CHST15: variants seen among roughly 807,000 people sequenced by gnomAD.
CHST15 encodes carbohydrate sulfotransferase 15.
Under a neutral mutation model 53.6 loss-of-function variants are expected in CHST15, and 30 were observed. The ratio of observed to expected loss-of-function variants is 0.56; its 90% CI spans 0.42 to 0.76. CHST15 has a LOEUF of 0.76. Among genes scored for constraint, CHST15 ranks in the 30% least tolerant of loss-of-function variants. The probability of loss-of-function intolerance (pLI) is 0.00; values close to 1 mark genes in which losing one functional copy is unlikely to be tolerated. For synonymous variants in CHST15, 296 were observed against 289.8 expected, an observed-to-expected ratio of 1.02 and a Z score of -0.22; for missense variants, 627 against 740.5, an observed-to-expected ratio of 0.85 and a Z score of 1.78.
chr10:124,015,633 C>T (rs1386322335), intron 6 of CHST15, among the ~76,000 whole-genome samples: 2 of 152,208 alleles, frequency 1.3e-5, no homozygotes, highest in African/African-American at 2.4e-5. Flanking sequence ...GCCAGCCTCC[C>T]CACTAGTCCC....
At position 124,010,356 on chromosome 10, in the gene CHST15, C is replaced by G. The variant is rs188930451; in HGVS notation, c.1496-17G>C. On this transcript the variant is annotated splice_polypyrimidine_tract_variant and intron_variant, in intron 7 of 7. Coordinates refer to ENST00000435907, the MANE Select transcript of CHST15 (RefSeq NM_001270764.2). ...TTAAGGGCCCTAGAATAAAAGAAGA[C>G]GAGTCCCGTAAGGCAGGAGGCATGG... The G allele has an allele frequency of 2.6e-6, 4 of 1,552,918 alleles. No homozygotes were observed. Among genetic ancestry groups the G allele is most frequent in the Non-Finnish European group, 3.5e-6 (4 of 1,149,696 alleles).
At chr10:124,040,975 GT>G (rs1947711550) in intron 4 of CHST15, among the ~76,000 whole-genome samples, 3 of 152,176 alleles carry the variant, frequency 2.0e-5, no homozygotes, top group Admixed American at 6.5e-5. Context: ...ATAAGAACAT[GT>G]GATTTTCCCA....
At chr10:124,077,813 G>A (rs959832225) in intron 1 of CHST15, among the ~76,000 whole-genome samples, 1 of 152,116 alleles carries the variant, frequency 6.6e-6, no homozygotes, top group Non-Finnish European at 1.5e-5. Context: ...TGGTTATTAC[G>A]AGCCTCACTC....
intron 1 of CHST15, among the ~76,000 whole-genome samples, chr10:124,059,368 G>A (rs765869792): frequency 6.6e-6 from 1 of 152,198 alleles, no homozygotes; most frequent in African/African-American, 2.4e-5. Context: ...ACAAAGATGA[G>A]TGGTACATTC....
intron 5 of CHST15, among the ~76,000 whole-genome samples, chr10:124,038,308 G>T (rs1487860460): frequency 6.6e-6 from 1 of 152,054 alleles, no homozygotes; most frequent in African/African-American, 2.4e-5. Flanking sequence ...GTTTCACCAT[G>T]TTGGCCAGGC....
intron 1 of CHST15, among the ~76,000 whole-genome samples, chr10:124,072,036 A>C (rs1948932966): frequency 6.6e-6 from 1 of 152,134 alleles, no homozygotes; most frequent in East Asian, 1.9e-4. Flanking sequence ...CTCTCATCAA[A>C]AGGGTCTGGG....
chr10:124,055,883 T>A (rs1948362298), intron 1 of CHST15, among the ~76,000 whole-genome samples: 1 of 152,146 alleles, frequency 6.6e-6, no homozygotes, highest in South Asian at 2.1e-4. Flanking sequence ...ACTGCAGTCA[T>A]TCACAGTAAG....
chr10:124,040,943 AAT>A (rs1371590719), intron 4 of CHST15, among the ~76,000 whole-genome samples: 1 of 152,222 alleles, frequency 6.6e-6, no homozygotes, highest in Non-Finnish European at 1.5e-5. Flanking sequence ...CTGGCCGGAG[AAT>A]ACATATTTTC....
intron 1 of CHST15, among the ~76,000 whole-genome samples, chr10:124,083,043 A>C (rs1056024162): frequency 2.0e-5 from 3 of 152,218 alleles, no homozygotes; most frequent in Non-Finnish European, 4.4e-5. Flanking sequence ...CAATATACTA[A>C]AAAACATGGA....
Position 124,038,571 on chromosome 10 carries a change from G to A in CHST15, c.1134C>T (p.Ile378=), listed in dbSNP as rs1947610811. The A allele has an allele frequency of 6.2e-7, 1 of 1,614,100 alleles. No individual in the cohort carries two copies. Among genetic ancestry groups the A allele is most frequent in the African/African-American group, 1.3e-5 (1 of 74,942 alleles). The change falls in exon 5 of 8, where the codon ATC becomes ATT. Residue 378 remains isoleucine, a synonymous_variant. Coordinates refer to ENST00000435907, the MANE Select transcript of CHST15 (RefSeq NM_001270764.2). ...GTCTGGCATTTGGCTGAAAGGCGTG[G>A]ATGAAGTCCTGCGTCAGAAACGGTG... The part of the protein sequence containing the change: ...GEPPFLTQDF[I]HAFQPNARLI...
At chr10:124,015,080 T>C (rs77667210) in intron 6 of CHST15, among the ~76,000 whole-genome samples, 2,964 of 151,974 alleles carry the variant, frequency 0.02, 93 homozygotes, top group African/African-American at 0.068. Flanking sequence ...GCCCCTCAAT[T>C]CCCACCCCAA....
intron 6 of CHST15, among the ~76,000 whole-genome samples, chr10:124,016,425 A>G (rs114514142): frequency 0.018 from 2,699 of 152,170 alleles, 72 homozygotes; most frequent in African/African-American, 0.061. Flanking sequence ...TTCTCCAGGG[A>G]CTGAAGATTA....
In CHST15 at chr10:124,008,578, C is replaced by T. The variant is rs12915; in HGVS notation, c.*1571G>A. On this transcript the variant is annotated 3_prime_UTR_variant, in exon 8 of 8. Transcript: ENST00000435907. ...GCGCTCAGAGCCCTCTGCACACCTTCGAACGGGCTGTGTGTCCCTTCTCTG... is the reference window on the plus strand; with the variant it reads ...GCGCTCAGAGCCCTCTGCACACCTTTGAACGGGCTGTGTGTCCCTTCTCTG... 438,102 of 1,012,358 alleles carry T rather than the reference C, an allele frequency of 0.43. 95,514 individuals carry two copies. The highest frequency in any genetic ancestry group is 0.46 in the East Asian group (4,799 of 10,472). 62.7% of individuals were successfully genotyped at this position (1,012,358 alleles called of 1,614,324 possible).
intron 1 of CHST15, among the ~76,000 whole-genome samples, chr10:124,060,845 C>T (rs1948549233): frequency 6.6e-6 from 1 of 152,158 alleles, no homozygotes; most frequent in Non-Finnish European, 1.5e-5. Context: ...CCTGGGAAAC[C>T]CCAGGGAGCT....
In CHST15 at chr10:124,038,376, G is replaced by T; in HGVS notation, c.1190+139C>A. ...CCACCCCGGCCTCCCAAAGTGCTGG[G>T]ATTACAGGCATGAGCCACTGTACCC... is the stretch of plus-strand genomic sequence containing the variant. On this transcript the variant is annotated intron_variant, in intron 5 of 7. Transcript: ENST00000435907. 3.2e-6 allele frequency: 3 copies of T among 926,288 alleles called. No individual in the cohort carries two copies. The South Asian group carries it at 4.9e-5, about 15-fold the overall frequency. The allele number at this position is 926,288 out of a possible 1,614,324, so 57.4% of individuals were successfully genotyped here. A position where few individuals can be genotyped will look rare whatever the true frequency, so the allele number is the denominator to read the frequency against.
intron 1 of CHST15, among the ~76,000 whole-genome samples, chr10:124,092,744 T>C (rs1409377849): frequency 6.6e-6 from 1 of 151,990 alleles, no homozygotes; most frequent in African/African-American, 2.4e-5. Context: ...TTCCCCAAAG[T>C]GCGATAGGGG....
intron 1 of CHST15, among the ~76,000 whole-genome samples, chr10:124,063,297 C>T (rs780992653): frequency 5.3e-5 from 8 of 152,074 alleles, no homozygotes; most frequent in Non-Finnish European, 8.8e-5. Context: ...GCAGGAGAAT[C>T]GCTTGAACTC....
chr10:124,078,797 A>C (rs916596661), intron 1 of CHST15, among the ~76,000 whole-genome samples: 3 of 152,236 alleles, frequency 2.0e-5, no homozygotes, highest in Admixed American at 1.3e-4. Context: ...TAAGGTCTGC[A>C]GCTCAGTTAA....
At chr10:124,014,615 G>A (rs991732759) in intron 6 of CHST15, among the ~76,000 whole-genome samples, 2 of 152,188 alleles carry the variant, frequency 1.3e-5, no homozygotes, top group Non-Finnish European at 2.9e-5. Flanking sequence ...TAAGTCACCC[G>A]CCTCCCGGGG....
Sources: allele counts gnomAD v4.1 joint callset (sites outside exome capture counted in the v4.1 genomes callset), GRCh38; gene constraint gnomAD v4.1.1; transcripts MANE v1.5; gene names NCBI Gene and HGNC (gene_info 2026-07-23, HGNC 2026-07-21).